STXBP5: variants seen among roughly 807,000 people sequenced by gnomAD.
The protein encoded by STXBP5 is syntaxin-binding protein 5.
In STXBP5, 50 loss-of-function variants were observed where a neutral mutation model predicts 152.4. The observed-to-expected ratio is 0.33, with a 90% CI of 0.26 to 0.42. STXBP5 has a LOEUF of 0.42. STXBP5 is among the 10% of genes least tolerant of loss of function. STXBP5 has a pLI of 1.00. For missense variants in STXBP5, 1,167 were observed against 1,388.6 expected (o/e 0.84, Z 2.54); for synonymous variants, 492 against 494.7 (o/e 0.99, Z 0.07).
intron 4 of STXBP5, among the ~76,000 whole-genome samples, chr6:147,253,085 A>G (rs955180225): frequency 6.6e-6 from 1 of 152,240 alleles, no homozygotes; most frequent in Non-Finnish European, 1.5e-5. Flanking sequence ...AACCGAATCC[A>G]GCAGCACATC....
intron 4 of STXBP5, among the ~76,000 whole-genome samples, chr6:147,253,450 G>C (rs1255733038): frequency 6.6e-6 from 1 of 152,098 alleles, no homozygotes; most frequent in Non-Finnish European, 1.5e-5. Context: ...TGGAAGTTCT[G>C]GCCGAGGCAG....
intron 4 of STXBP5, among the ~76,000 whole-genome samples, chr6:147,256,773 G>T (rs933438182): frequency 1.3e-5 from 2 of 151,992 alleles, no homozygotes; most frequent in Non-Finnish European, 2.9e-5. Context: ...TATTTTGTAT[G>T]GTTTTCTTGC....
chr6:147,270,243 C>CA (rs1190046216), intron 7 of STXBP5, among the ~76,000 whole-genome samples: 1 of 151,400 alleles, frequency 6.6e-6, no homozygotes, highest in Non-Finnish European at 1.5e-5. Flanking sequence ...CTAAAAAATA[C>CA]AAAAAATTAG....
At chr6:147,252,295 G>A (rs565530628) in intron 4 of STXBP5, among the ~76,000 whole-genome samples, 5 of 152,178 alleles carry the variant, frequency 3.3e-5, no homozygotes, top group African/African-American at 7.2e-5. Context: ...CTAAAGGAGT[G>A]TGTTCTAACC....
At chr6:147,306,494 C>T (rs1052840137) in intron 9 of STXBP5, among the ~76,000 whole-genome samples, 2 of 152,188 alleles carry the variant, frequency 1.3e-5, no homozygotes, top group Admixed American at 6.5e-5. Flanking sequence ...CAATGAACAA[C>T]TCAACTGAAT....
chr6:147,379,443 A>G (rs1785970598), intron 26 of STXBP5, among the ~76,000 whole-genome samples: 1 of 152,152 alleles, frequency 6.6e-6, no homozygotes, highest in Non-Finnish European at 1.5e-5. Context: ...GATGAGTATA[A>G]TCCATGAACA....
intron 1 of STXBP5, 56 bp from the exon 2 acceptor site, chr6:147,205,915 A>G (rs541693286): frequency 2.9e-5 from 40 of 1,380,596 alleles, no homozygotes; most frequent in Admixed American, 2.4e-4. Flanking sequence ...TTGACTTTCT[A>G]TTTTAAAATT....
intron 18 of STXBP5, 105 bp from the exon 19 acceptor site, chr6:147,334,052 G>A: frequency 9.4e-7 from 1 of 1,062,240 alleles, no homozygotes; most frequent in East Asian, 2.5e-5. Flanking sequence ...TTAATTTATT[G>A]GGTTCTTTTA....
chr6:147,318,610 T>C (rs1185960434), intron 16 of STXBP5, among the ~76,000 whole-genome samples: 1 of 152,214 alleles, frequency 6.6e-6, no homozygotes, highest in Non-Finnish European at 1.5e-5. Flanking sequence ...TGTAATTATT[T>C]AATGGAATGT....
At chr6:147,374,902 C>T (rs2128419938) in intron 26 of STXBP5, among the ~76,000 whole-genome samples, 1 of 152,202 alleles carries the variant, frequency 6.6e-6, no homozygotes, top group South Asian at 2.1e-4. Context: ...ACCCACCTCC[C>T]CCCACCACAC....
chr6:147,288,277 G>A (rs1781095995), intron 8 of STXBP5, among the ~76,000 whole-genome samples: 1 of 152,200 alleles, frequency 6.6e-6, no homozygotes, highest in South Asian at 2.1e-4. Context: ...CCAGGGAGCT[G>A]CAGGTTCACA....
chr6:147,332,211 T>C (rs990077043), intron 18 of STXBP5, among the ~76,000 whole-genome samples: 2 of 152,192 alleles, frequency 1.3e-5, no homozygotes, highest in Admixed American at 6.5e-5. Context: ...CAACAGATAC[T>C]GAGGCTTCCA....
intron 18 of STXBP5, among the ~76,000 whole-genome samples, chr6:147,333,617 T>G (rs116915766): frequency 0.029 from 4,413 of 152,342 alleles, 107 homozygotes; most frequent in Admixed American, 0.05. Flanking sequence ...AAACTTTTCT[T>G]AGAAGCTGAA....
Position 147,327,229 on chromosome 6 carries a change from A to G in STXBP5, c.2033A>G (p.Tyr678Cys). 6.2e-7 allele frequency: 1 copy of G among 1,614,064 alleles called. No homozygotes were observed. The highest frequency in any genetic ancestry group is 8.5e-7 in the Non-Finnish European group (1 of 1,179,984). ...TIELYGSNDP[Y>C]RREPRSPRKS... is the part of the protein sequence containing the mutation. ...GAATTATATGGCTCTAATGATCCTT[A>G]TCGGAGAGAACCCCGATCTCCTCGT... Residue 678 changes from tyrosine to cysteine, a missense_variant, in exon 18 of 28, where the codon TAT (tyrosine) becomes TGT (cysteine). Tyr to Cys is a radical substitution (Grantham distance 194). This residue lies in a region of STXBP5 where 833 missense variants were observed against 986.3 expected (regional missense o/e 0.84). Transcript: ENST00000321680.
At chr6:147,353,510 C>A in intron 22 of STXBP5, 137 bp downstream of exon 22, 4 of 497,830 alleles carry the variant, frequency 8.0e-6, no homozygotes, top group South Asian at 3.6e-5. Context: ...TTTAAACATT[C>A]TTTGGAATAG....
chr6:147,221,996 A>G (rs1175326830), intron 2 of STXBP5, among the ~76,000 whole-genome samples: 1 of 151,722 alleles, frequency 6.6e-6, no homozygotes, highest in East Asian at 1.9e-4. Flanking sequence ...CTGTTGAGGT[A>G]TCCTCAGGTT....
chr6:147,264,903 G>T (rs1407044167), intron 6 of STXBP5, among the ~76,000 whole-genome samples: 1 of 151,858 alleles, frequency 6.6e-6, no homozygotes, highest in African/African-American at 2.4e-5. Context: ...GGCTAGAGAG[G>T]TTAAAGTTTA....
intron 1 of STXBP5, among the ~76,000 whole-genome samples, chr6:147,205,371 CATATATATAT>C (rs66619063): frequency 1.3e-4 from 19 of 141,918 alleles, no homozygotes; most frequent in South Asian, 8.9e-4. Flanking sequence ...TAAAAGTGTG[CATATATATAT>C]ATATATATAT....
At chr6:147,215,230 C>T (rs1050082876) in intron 2 of STXBP5, among the ~76,000 whole-genome samples, 3 of 152,224 alleles carry the variant, frequency 2.0e-5, no homozygotes, top group African/African-American at 4.8e-5. Context: ...CTTAGTTTAT[C>T]AGCCTGACTT....
Sources: allele counts gnomAD v4.1 joint callset (sites outside exome capture counted in the v4.1 genomes callset), GRCh38; gene constraint gnomAD v4.1.1; regional missense constraint gnomAD v4.1.1; transcripts MANE v1.5; gene names NCBI Gene and HGNC (gene_info 2026-07-23, HGNC 2026-07-21).